ATP10A: variants seen among roughly 807,000 people sequenced by gnomAD.
ATP10A encodes ATPase phospholipid transporting 10A (putative), also known as phospholipid-transporting ATPase VA.
A neutral mutation model predicts 147.8 loss-of-function variants in ATP10A; 111 were observed. The observed-to-expected ratio is 0.75, with a 90% CI of 0.64 to 0.88. ATP10A has a LOEUF of 0.88. Among genes scored for constraint, ATP10A ranks in the 40% least tolerant of loss-of-function variants. ATP10A has a pLI of 0.00. For synonymous variants in ATP10A, 875 were observed against 841.6 expected (o/e 1.04, Z -0.69); for missense variants, 1,927 against 1,959.0 (o/e 0.98, Z 0.31).
chr15:25,704,726 C>T (rs1456923385), intron 12 of ATP10A, among the ~76,000 whole-genome samples: 1 of 152,220 alleles, frequency 6.6e-6, no homozygotes, highest in Non-Finnish European at 1.5e-5. Context: ...GGAAAGAGTA[C>T]CTGCAGGCAG....
At chr15:25,745,957 G>A (rs1308458398) in intron 2 of ATP10A, among the ~76,000 whole-genome samples, 1 of 151,958 alleles carries the variant, frequency 6.6e-6, no homozygotes, top group African/African-American at 2.4e-5. Context: ...AAAATGGAGA[G>A]AAAAAAGAAT....
At chr15:25,718,796 G>A (rs935259514) in intron 7 of ATP10A, among the ~76,000 whole-genome samples, 1 of 152,148 alleles carries the variant, frequency 6.6e-6, no homozygotes, top group Non-Finnish European at 1.5e-5. Flanking sequence ...CTGGGATGAC[G>A]GTGCTCACCT....
chr15:25,752,609 T>A (rs1888213555), intron 2 of ATP10A, among the ~76,000 whole-genome samples: 1 of 152,202 alleles, frequency 6.6e-6, no homozygotes, highest in Non-Finnish European at 1.5e-5. Context: ...ATCTTCCAAC[T>A]TCATTCTTCT....
At chr15:25,772,047 C>T (rs890939388) in intron 2 of ATP10A, among the ~76,000 whole-genome samples, 5 of 152,116 alleles carry the variant, frequency 3.3e-5, no homozygotes, top group Admixed American at 1.3e-4. Flanking sequence ...CCATCGCGCC[C>T]GGCCTGAAAA....
chr15:25,759,689 A>G (rs1888647509), intron 2 of ATP10A, among the ~76,000 whole-genome samples: 1 of 151,984 alleles, frequency 6.6e-6, no homozygotes, highest in Non-Finnish European at 1.5e-5. Context: ...ACATGCCTGT[A>G]GTCCCACCTA....
At chr15:25,735,230 C>T (rs185953558) in intron 3 of ATP10A, among the ~76,000 whole-genome samples, 2 of 152,304 alleles carry the variant, frequency 1.3e-5, no homozygotes, top group East Asian at 3.9e-4. Flanking sequence ...CGTCATGCCC[C>T]TGTCACAGCC....
At chr15:25,747,982 T>A (rs1439943485) in intron 2 of ATP10A, among the ~76,000 whole-genome samples, 1 of 152,236 alleles carries the variant, frequency 6.6e-6, no homozygotes, top group Non-Finnish European at 1.5e-5. Flanking sequence ...TTTTCTTTTT[T>A]GAGACGGAGT....
chr15:25,782,945 G>A (rs1465955268), intron 1 of ATP10A, among the ~76,000 whole-genome samples: 1 of 152,004 alleles, frequency 6.6e-6, no homozygotes, highest in Non-Finnish European at 1.5e-5. Context: ...TGAGGCAGCA[G>A]GATTGCTTGA....
chr15:25,721,198 T>C (rs1314763087), intron 7 of ATP10A, among the ~76,000 whole-genome samples: 1 of 152,124 alleles, frequency 6.6e-6, no homozygotes, highest in Non-Finnish European at 1.5e-5. Context: ...AGTGAGGCGA[T>C]TCATCTTTCT....
Position 25,718,290 on chromosome 15 carries a change from C to T in ATP10A, c.1473G>A (p.Arg491=). 6.2e-7 allele frequency: 1 copy of T among 1,612,244 alleles called. No individual in the cohort carries two copies. The highest frequency in any genetic ancestry group is 8.5e-7 in the Non-Finnish European group (1 of 1,179,928). ...RGSIGSHQSV[R]VVHRTQSTKS... ...TGGTGCTCTGGGTTCTGTGCACCACCCGGACACTCTGGTGGCTGCCGATGC... is the reference window on the plus strand; with the variant it reads ...TGGTGCTCTGGGTTCTGTGCACCACTCGGACACTCTGGTGGCTGCCGATGC... The change falls in exon 8 of 21, where the codon CGG becomes CGA. Residue 491 remains arginine, a synonymous_variant. Transcript: ENST00000555815.
chr15:25,764,516 T>C (rs1888923705), intron 2 of ATP10A, among the ~76,000 whole-genome samples: 1 of 151,208 alleles, frequency 6.6e-6, no homozygotes. Flanking sequence ...AAGTTCTGCC[T>C]CTCTCTCTCT....
chr15:25,808,160 C>T (rs1285945583), intron 1 of ATP10A, among the ~76,000 whole-genome samples: 1 of 152,154 alleles, frequency 6.6e-6, no homozygotes, highest in African/African-American at 2.4e-5. Context: ...TTCCCTGTTC[C>T]TCAAGGTTAT....
chr15:25,779,918 C>T (rs1015980373), intron 2 of ATP10A, among the ~76,000 whole-genome samples: 5 of 150,768 alleles, frequency 3.3e-5, no homozygotes, highest in East Asian at 2.0e-4. Context: ...GAAATCAGCC[C>T]GGTTGGAACA....
chr15:25,714,343 G>C, intron 9 of ATP10A, 102 bp from the exon 10 acceptor site: 1 of 1,075,070 alleles, frequency 9.3e-7, no homozygotes, highest in Non-Finnish European at 1.3e-6. Flanking sequence ...GAGGAACAAT[G>C]ACCTCGCTTC....
chr15:25,749,846 T>G (rs935965346), intron 2 of ATP10A, among the ~76,000 whole-genome samples: 1 of 152,024 alleles, frequency 6.6e-6, no homozygotes, highest in Non-Finnish European at 1.5e-5. Context: ...AAAAATAAAC[T>G]GAAAGAGATC....
At chr15:25,855,314 G>T (rs1017186920) in intron 1 of ATP10A, among the ~76,000 whole-genome samples, 2 of 152,070 alleles carry the variant, frequency 1.3e-5, no homozygotes, top group African/African-American at 4.8e-5. Flanking sequence ...AGGAATGCAA[G>T]ATTGGTTTAA....
At chr15:25,725,049 A>G (rs7182161) in intron 5 of ATP10A, among the ~76,000 whole-genome samples, 150,458 of 152,320 alleles carry the variant, frequency 0.99, 74,350 homozygotes, top group Non-Finnish European at 1. Flanking sequence ...GGAACTGGGC[A>G]GCACAGCTGG....
At chr15:25,678,245 C>G (rs1179667514), downstream of ATP10A, 1 of 152,060 alleles carries the variant, frequency 6.6e-6, no homozygotes, top group East Asian at 1.9e-4. Flanking sequence ...TCCTTGTCCT[C>G]AGATCCTATG....
chr15:25,767,047 G>A (rs11854600), intron 2 of ATP10A, among the ~76,000 whole-genome samples: 17,567 of 152,142 alleles, frequency 0.12, 1,164 homozygotes, highest in East Asian at 0.28. Flanking sequence ...GCTCCGCTAC[G>A]TAGCACATTA....
Sources: allele counts gnomAD v4.1 joint callset (sites outside exome capture counted in the v4.1 genomes callset), GRCh38; gene constraint gnomAD v4.1.1; transcripts MANE v1.5; gene names NCBI Gene and HGNC (gene_info 2026-07-23, HGNC 2026-07-21).